Variants in GRID2 observed in about 807,000 individuals in gnomAD.
The protein encoded by GRID2 is glutamate receptor ionotropic, delta-2.
Under a neutral mutation model 114.8 loss-of-function variants are expected in GRID2, and 33 were observed. That is an observed-to-expected ratio of 0.29 (90% CI 0.22 to 0.38). The LOEUF (loss-of-function observed/expected upper bound fraction) is 0.38, where lower values mean the gene tolerates loss of function less well. GRID2 is among the 10% of genes least tolerant of loss of function. The pLI is 1.00. For synonymous variants in GRID2, 505 were observed against 449.9 expected (o/e 1.12, Z -1.55); for missense variants, 1,184 against 1,257.7 (o/e 0.94, Z 0.89).
At chr4:93,523,520 G>T (rs917771262) in intron 13 of GRID2, among the ~76,000 whole-genome samples, 2 of 152,118 alleles carry the variant, frequency 1.3e-5, no homozygotes, top group Non-Finnish European at 2.9e-5. Context: ...CAAGGGATGC[G>T]CAGATCCATA....
chr4:93,037,208 C>T (rs183185772), intron 2 of GRID2, among the ~76,000 whole-genome samples: 112 of 152,144 alleles, frequency 7.4e-4, no homozygotes, highest in Non-Finnish European at 1.3e-3. Flanking sequence ...CTCTCAAGTC[C>T]CTATTACCTT....
intron 2 of GRID2, among the ~76,000 whole-genome samples, chr4:93,080,810 A>G (rs1023110713): frequency 2.0e-5 from 3 of 152,160 alleles, no homozygotes; most frequent in Non-Finnish European, 4.4e-5. Flanking sequence ...AATTTATAAT[A>G]AACAGAAACT....
chr4:92,540,073 T>C (rs1431826805), intron 1 of GRID2, among the ~76,000 whole-genome samples: 1 of 152,136 alleles, frequency 6.6e-6, no homozygotes, highest in Non-Finnish European at 1.5e-5. Flanking sequence ...TAAATAGTGC[T>C]GGGAAAACTG....
chr4:93,620,545 G>A (rs1742119277), intron 13 of GRID2, among the ~76,000 whole-genome samples: 3 of 152,172 alleles, frequency 2.0e-5, no homozygotes, highest in Admixed American at 6.6e-5. Flanking sequence ...TGATGGAGAT[G>A]TCAGAACAGG....
At chr4:93,611,888 T>C (rs1224891985) in intron 13 of GRID2, among the ~76,000 whole-genome samples, 1 of 151,652 alleles carries the variant, frequency 6.6e-6, no homozygotes, top group African/African-American at 2.4e-5. Context: ...TTCTGTCTCA[T>C]GGATCTGTCT....
At chr4:93,730,131 T>A (rs1218268617) in intron 14 of GRID2, among the ~76,000 whole-genome samples, 1 of 152,122 alleles carries the variant, frequency 6.6e-6, no homozygotes, top group Non-Finnish European at 1.5e-5. Context: ...TCATTCTGAG[T>A]GCGAAAGAGA....
At chr4:92,734,264 T>G (rs1736479788) in intron 2 of GRID2, among the ~76,000 whole-genome samples, 1 of 152,000 alleles carries the variant, frequency 6.6e-6, no homozygotes, top group Non-Finnish European at 1.5e-5. Flanking sequence ...TCACTCTATT[T>G]TTTTCTTTTT....
intron 2 of GRID2, among the ~76,000 whole-genome samples, chr4:92,724,561 G>T (rs1357676176): frequency 1.3e-5 from 2 of 152,198 alleles, no homozygotes; most frequent in Non-Finnish European, 2.9e-5. Context: ...ATGTAAAATT[G>T]TATGACTATT....
intron 1 of GRID2, among the ~76,000 whole-genome samples, chr4:92,410,895 A>AT: frequency 6.7e-6 from 1 of 148,848 alleles, no homozygotes; most frequent in Admixed American, 6.7e-5. Flanking sequence ...GTGGAATAAG[A>AT]AGAGATTATA....
intron 8 of GRID2, among the ~76,000 whole-genome samples, chr4:93,242,605 A>T (rs1747669211): frequency 6.6e-6 from 1 of 152,058 alleles, no homozygotes; most frequent in Admixed American, 6.6e-5. Flanking sequence ...TATAACAGAG[A>T]CAAAGTATGG....
chr4:92,823,385 T>C (rs1741432445), intron 2 of GRID2, among the ~76,000 whole-genome samples: 1 of 152,130 alleles, frequency 6.6e-6, no homozygotes, highest in African/African-American at 2.4e-5. Flanking sequence ...ATTGATCTAT[T>C]GATATTTGCT....
chr4:93,201,550 G>T (rs1742107217), intron 4 of GRID2, among the ~76,000 whole-genome samples: 1 of 152,208 alleles, frequency 6.6e-6, no homozygotes, highest in Non-Finnish European at 1.5e-5. Context: ...GGTGCACAGA[G>T]CACTGGAACT....
chr4:93,179,984 G>C (rs1739729957), intron 4 of GRID2, among the ~76,000 whole-genome samples: 1 of 152,048 alleles, frequency 6.6e-6, no homozygotes, highest in African/African-American at 2.4e-5. Flanking sequence ...CGGAATACGT[G>C]CTGTTTGAAG....
intron 2 of GRID2, among the ~76,000 whole-genome samples, chr4:92,650,017 A>G (rs1158365921): frequency 6.6e-6 from 1 of 152,026 alleles, no homozygotes; most frequent in Non-Finnish European, 1.5e-5. Flanking sequence ...CTTTCACACC[A>G]TTGTACATTT....
intron 2 of GRID2, among the ~76,000 whole-genome samples, chr4:92,922,267 G>A (rs1036356578): frequency 5.9e-5 from 9 of 152,194 alleles, no homozygotes; most frequent in Non-Finnish European, 1.3e-4. Flanking sequence ...GACTAGGAAA[G>A]GGAATTCCCT....
intron 2 of GRID2, among the ~76,000 whole-genome samples, chr4:93,070,202 A>G (rs1728690258): frequency 6.6e-6 from 1 of 152,040 alleles, no homozygotes; most frequent in South Asian, 2.1e-4. Context: ...TTTTGCCACA[A>G]ATTTTATACT....
At chr4:93,154,361 C>G (rs1736985931) in intron 4 of GRID2, among the ~76,000 whole-genome samples, 1 of 151,906 alleles carries the variant, frequency 6.6e-6, no homozygotes, top group Non-Finnish European at 1.5e-5. Flanking sequence ...CTTGATTCCA[C>G]AACTAAAAGA....
At chr4:93,669,679 T>G (rs1724238632) in intron 14 of GRID2, among the ~76,000 whole-genome samples, 1 of 152,166 alleles carries the variant, frequency 6.6e-6, no homozygotes, top group Non-Finnish European at 1.5e-5. Flanking sequence ...ACACATATCT[T>G]TTATTTCATG....
chr4:92,557,297 T>A (rs1352686019), intron 1 of GRID2, among the ~76,000 whole-genome samples: 1 of 151,896 alleles, frequency 6.6e-6, no homozygotes, highest in African/African-American at 2.4e-5. Flanking sequence ...ATATTTAAAA[T>A]GTATTAAATA....
Sources: gnomAD v4.1 joint callset for allele counts (sites outside exome capture counted in the v4.1 genomes callset) on GRCh38, gnomAD v4.1.1 for gene constraint, MANE v1.5 for transcripts, NCBI Gene and HGNC (gene_info 2026-07-23, HGNC 2026-07-21) for gene names.